GRID1: variants seen among roughly 807,000 people sequenced by gnomAD.
The protein encoded by GRID1 is glutamate receptor ionotropic, delta-1.
In GRID1, 28 loss-of-function variants were observed where a neutral mutation model predicts 98.0. That is an observed-to-expected ratio of 0.29 (90% CI 0.21 to 0.39). GRID1 has a LOEUF of 0.39. GRID1 is among the 10% of genes least tolerant of loss of function. GRID1 has a pLI of 1.00. For synonymous variants in GRID1, 553 were observed against 538.5 expected, an observed-to-expected ratio of 1.03 and a Z score of -0.37; for missense variants, 1,111 against 1,340.5, an observed-to-expected ratio of 0.83 and a Z score of 2.67.
rs746664295 is a variant in GRID1, at chr10:86,364,009, T to C, written c.167A>G (p.Gln56Arg). The C allele has an allele frequency of 6.2e-7, 1 of 1,613,894 alleles. No individual in the cohort carries two copies. Among genetic ancestry groups the C allele is most frequent in the East Asian group, 2.2e-5 (1 of 44,884 alleles). Residue 56 changes from glutamine (Q) to arginine (R), a missense_variant, in exon 2 of 16, where the codon CAG (glutamine) becomes CGG (arginine). Gln to Arg is a conservative substitution (Grantham distance 43, BLOSUM62 1). Around this residue, in one of 3 missense-constraint regions of GRID1, gnomAD observed 346 missense variants for 452.3 expected, o/e 0.76. Transcript: ENST00000327946. Reference sequence around the variant, plus strand: ...GATGGAGTAGGTGATCTTCTCGCTCTGCAGGATGTCATCGTTGAGGCTCAG... The same window carrying C: ...GATGGAGTAGGTGATCTTCTCGCTCCGCAGGATGTCATCGTTGAGGCTCAG... ...SDLSLNDDIL[Q>R]SEKITYSIKV...
chr10:86,264,456 G>T (rs1387275340), intron 2 of GRID1, among the ~76,000 whole-genome samples: 1 of 152,142 alleles, frequency 6.6e-6, no homozygotes, highest in African/African-American at 2.4e-5. Flanking sequence ...CTTGGATGTG[G>T]GCCCCCCTTG....
At chr10:86,008,682 C>T (rs1842890738) in intron 4 of GRID1, among the ~76,000 whole-genome samples, 1 of 152,020 alleles carries the variant, frequency 6.6e-6, no homozygotes, top group Non-Finnish European at 1.5e-5. Context: ...AATGCAAATC[C>T]AGAACACAAT....
intron 4 of GRID1, among the ~76,000 whole-genome samples, chr10:85,986,408 T>A (rs913405344): frequency 1.3e-5 from 2 of 152,256 alleles, no homozygotes; most frequent in Non-Finnish European, 2.9e-5. Context: ...TCCAGTTTGT[T>A]GTCTGAGACA....
intron 8 of GRID1, among the ~76,000 whole-genome samples, chr10:85,804,035 T>A (rs113571118): frequency 2.0e-5 from 3 of 151,182 alleles, no homozygotes; most frequent in African/African-American, 7.3e-5. Context: ...AATGGAACAC[T>A]AAATAGGGGA....
intron 2 of GRID1, among the ~76,000 whole-genome samples, chr10:86,297,861 G>C (rs376572317): frequency 2.0e-5 from 3 of 152,196 alleles, no homozygotes; most frequent in African/African-American, 7.2e-5. Flanking sequence ...GGAATCCAAT[G>C]GGAGGTCACT....
intron 2 of GRID1, among the ~76,000 whole-genome samples, chr10:86,217,322 A>C (rs1192002342): frequency 1.3e-5 from 2 of 152,254 alleles, no homozygotes; most frequent in African/African-American, 2.4e-5. Flanking sequence ...TAAATGGATA[A>C]TAACAGTCCC....
intron 4 of GRID1, among the ~76,000 whole-genome samples, chr10:86,079,695 G>A (rs1434312140): frequency 6.6e-6 from 1 of 152,214 alleles, no homozygotes; most frequent in African/African-American, 2.4e-5. Context: ...CTCTGTCCAT[G>A]GTGATAAAAA....
At chr10:86,083,319 C>G (rs1844003909) in intron 4 of GRID1, among the ~76,000 whole-genome samples, 1 of 152,178 alleles carries the variant, frequency 6.6e-6, no homozygotes. Flanking sequence ...GTGTGGCCAC[C>G]TGGGAGCTCC....
intron 4 of GRID1, among the ~76,000 whole-genome samples, chr10:86,030,967 G>A (rs1011590251): frequency 1.3e-5 from 2 of 151,998 alleles, no homozygotes; most frequent in South Asian, 2.1e-4. Context: ...TGCCTTCTGC[G>A]TGCACTATGT....
intron 2 of GRID1, among the ~76,000 whole-genome samples, chr10:86,250,604 G>T (rs1305578706): frequency 1.5e-5 from 2 of 137,368 alleles, no homozygotes; most frequent in African/African-American, 5.0e-5. Context: ...GGGAGGTGGG[G>T]GGCAGCCCCC....
chr10:85,702,119 G>A (rs1208184643), intron 12 of GRID1, among the ~76,000 whole-genome samples: 1 of 151,956 alleles, frequency 6.6e-6, no homozygotes, highest in African/African-American at 2.4e-5. Context: ...CATATGCTAA[G>A]GAAAACAAAG....
chr10:86,170,696 T>C (rs1845472516), intron 3 of GRID1, among the ~76,000 whole-genome samples: 1 of 152,188 alleles, frequency 6.6e-6, no homozygotes, highest in South Asian at 2.1e-4. Context: ...CACGTGCGCA[T>C]GCACTCCAAG....
intron 13 of GRID1, among the ~76,000 whole-genome samples, chr10:85,634,339 C>A (rs1843012597): frequency 6.7e-6 from 1 of 149,336 alleles, no homozygotes. Flanking sequence ...AAATATAGGA[C>A]CCAGAGCAAA....
intron 2 of GRID1, among the ~76,000 whole-genome samples, chr10:86,221,481 G>A (rs1264151556): frequency 6.6e-6 from 1 of 152,216 alleles, no homozygotes; most frequent in African/African-American, 2.4e-5. Context: ...GCTATCTGGA[G>A]AGGAAGCCTT....
At position 86,025,704 on chromosome 10, in the gene GRID1, A is replaced by C. The variant is rs1365194001; in HGVS notation, c.727-109465T>G. Among the ~76,000 whole-genome samples the C allele has an allele frequency of 4.6e-5, 7 of 152,342 alleles. No homozygotes were observed. The East Asian group carries it at 1.3e-3, about 29-fold the overall frequency. On this transcript the variant is annotated intron_variant, in intron 4 of 15. Transcript: ENST00000327946. ...CTTTGAACCTGGAGCAGAACCTGAT[A>C]TCTGTGCCCTGCACTGTGTATACAA...
rs148286805 is a variant in GRID1 at position 86,339,952 on chromosome 10, AAGAC to A, written c.235+23985_235+23988del. 9.0e-3 allele frequency among the ~76,000 whole-genome samples: 1,376 copies of A among 152,302 alleles called. 11 individuals are homozygous for A. The highest frequency in any genetic ancestry group is 0.027 in the African/African-American group (1,116 of 41,560). ...TAAAAGGAGATGAGAACTACGGAGA[AAGAC>A]AGGCAGCACCAGGAGGACGGGAGGG... On this transcript the variant is annotated intron_variant, in intron 2 of 15. Transcript: ENST00000327946.
intron 4 of GRID1, among the ~76,000 whole-genome samples, chr10:86,022,669 G>A (rs985132408): frequency 6.6e-6 from 1 of 152,156 alleles, no homozygotes; most frequent in African/African-American, 2.4e-5. Context: ...TGTAATCCAA[G>A]CACTTTGGGA....
chr10:86,262,837 C>G (rs894938416), intron 2 of GRID1, among the ~76,000 whole-genome samples: 5 of 152,274 alleles, frequency 3.3e-5, no homozygotes, highest in African/African-American at 9.6e-5. Context: ...GCTCCTTTAC[C>G]ATGGAGGCTT....
At chr10:86,153,788 A>G (rs940689959) in intron 3 of GRID1, among the ~76,000 whole-genome samples, 1 of 151,874 alleles carries the variant, frequency 6.6e-6, no homozygotes, top group African/African-American at 2.4e-5. Context: ...ATTAAGAGGC[A>G]GGATCTGCAG....
Sources: gnomAD v4.1 joint callset for allele counts (sites outside exome capture counted in the v4.1 genomes callset) on GRCh38, gnomAD v4.1.1 for gene constraint, gnomAD v4.1.1 regional missense constraint, MANE v1.5 for transcripts, NCBI Gene and HGNC (gene_info 2026-07-23, HGNC 2026-07-21) for gene names.